The following SCUBE1 variants were observed in gnomAD, a reference collection of about 807,000 sequenced individuals.
The protein encoded by SCUBE1 is signal peptide, CUB domain and EGF like domain containing 1, also known as signal peptide, CUB and EGF-like domain-containing protein 1.
A neutral mutation model predicts 124.4 loss-of-function variants in SCUBE1; 59 were observed. That is an observed-to-expected ratio of 0.47 (90% confidence interval 0.38 to 0.59). The LOEUF (loss-of-function observed/expected upper bound fraction) is 0.59, where lower values mean the gene tolerates loss of function less well. Among genes scored for constraint, SCUBE1 ranks in the 20% least tolerant of loss-of-function variants. The pLI is 0.00. For synonymous variants in SCUBE1, 545 were observed against 550.9 expected (o/e 0.99, Z 0.15); for missense variants, 1,150 against 1,371.2 (o/e 0.84, Z 2.55).
intron 4 of SCUBE1, among the ~76,000 whole-genome samples, chr22:43,271,989 T>C (rs1924310871): frequency 6.6e-6 from 1 of 151,866 alleles, no homozygotes; most frequent in African/African-American, 2.4e-5. Context: ...TGTGAGGGAG[T>C]AGGGAGCTGA....
intron 3 of SCUBE1, among the ~76,000 whole-genome samples, chr22:43,306,373 GGCAAGTGTCT>G (rs1334716903): frequency 6.6e-6 from 1 of 152,184 alleles, no homozygotes; most frequent in African/African-American, 2.4e-5. Context: ...AACAGAGGAA[GGCAAGTGTCT>G]GCAGCGAGTG....
intron 4 of SCUBE1, among the ~76,000 whole-genome samples, chr22:43,270,935 G>C (rs1444904896): frequency 6.6e-6 from 1 of 152,134 alleles, no homozygotes; most frequent in East Asian, 1.9e-4. Flanking sequence ...CCTGACCCCT[G>C]CCACCTGCCT....
chr22:43,343,009 AG>A (rs1333662349), intron 1 of SCUBE1, among the ~76,000 whole-genome samples, 164 bp downstream of exon 1: 4 of 125,636 alleles, frequency 3.2e-5, no homozygotes, highest in African/African-American at 5.8e-5. Flanking sequence ...GGCTGCGGGG[AG>A]GGGGCGCCCC....
chr22:43,313,159 G>C (rs1194522477), intron 3 of SCUBE1, among the ~76,000 whole-genome samples: 1 of 152,198 alleles, frequency 6.6e-6, no homozygotes, highest in Admixed American at 6.5e-5. Context: ...CAAAGCTCCC[G>C]AATCTCACTC....
chr22:43,224,518 C>A (rs749876729), intron 10 of SCUBE1, among the ~76,000 whole-genome samples: 55 of 152,174 alleles, frequency 3.6e-4, no homozygotes, highest in Non-Finnish European at 7.5e-4. Context: ...GCGACACAGG[C>A]CCTGCATGCT....
intron 6 of SCUBE1, among the ~76,000 whole-genome samples, chr22:43,247,247 C>T (rs1314959206): frequency 1.3e-5 from 2 of 152,208 alleles, no homozygotes; most frequent in East Asian, 3.8e-4. Flanking sequence ...CTGTCCAGTG[C>T]CTCAGCTAAG....
At chr22:43,233,139 C>A (rs372436541) in intron 7 of SCUBE1, among the ~76,000 whole-genome samples, 1 of 152,148 alleles carries the variant, frequency 6.6e-6, no homozygotes, top group South Asian at 2.1e-4. Flanking sequence ...CTGAGGCGGG[C>A]GGATCACCTG....
chr22:43,209,911 G>C, intron 19 of SCUBE1, 132 bp downstream of exon 19: 2 of 931,800 alleles, frequency 2.1e-6, no homozygotes, highest in Admixed American at 5.4e-5. Context: ...GACTCTGAGG[G>C]GCTGGTCCTC....
intron 6 of SCUBE1, among the ~76,000 whole-genome samples, chr22:43,243,890 A>G (rs776152478): frequency 6.6e-6 from 1 of 152,188 alleles, no homozygotes; most frequent in African/African-American, 2.4e-5. Context: ...AGCTCTGCCT[A>G]TGGAGACTCA....
chr22:43,280,081 G>A (rs1168578722), intron 4 of SCUBE1, among the ~76,000 whole-genome samples: 2 of 152,122 alleles, frequency 1.3e-5, no homozygotes, highest in African/African-American at 4.8e-5. Context: ...GGTGGGCAGC[G>A]GCCCTCTGCA....
rs575357324 is a variant in SCUBE1 at position 43,258,172 on chromosome 22, G to A, written c.727+47C>T. On this transcript the variant is annotated intron_variant, in intron 6 of 21. Transcript: ENST00000360835. This position sits in a 1 kb window ranked among gnomAD's most constrained non-coding sequence, Gnocchi z 5.0. Reference sequence around the variant, plus strand: ...CCTGCTGGTGCACGCATGGGGGGTCGGGGGCGGGGGGCGCAAGGGTGGTGT... The same window carrying A: ...CCTGCTGGTGCACGCATGGGGGGTCAGGGGCGGGGGGCGCAAGGGTGGTGT... 6.9e-6 allele frequency: 9 copies of A among 1,302,578 alleles called. No homozygotes were observed. The highest frequency in any genetic ancestry group is 5.8e-5 in the African/African-American group (4 of 68,812). The allele number at this position is 1,302,578 out of a possible 1,614,324, so 80.7% of individuals were successfully genotyped here.
chr22:43,223,258 C>A (rs373457458), intron 10 of SCUBE1, 42 bp from the exon 11 acceptor site: 3 of 1,535,910 alleles, frequency 2.0e-6, no homozygotes, highest in South Asian at 2.6e-5. Context: ...GAGGCCAGGG[C>A]GGAGGCTTCC....
chr22:43,286,799 C>T (rs937486558), intron 4 of SCUBE1, among the ~76,000 whole-genome samples: 2 of 148,242 alleles, frequency 1.3e-5, no homozygotes, highest in South Asian at 4.2e-4. Context: ...AATGAATGAG[C>T]AGGTAAATAC....
chr22:43,227,639 C>A lies in SCUBE1; in HGVS notation c.1085-143G>T, dbSNP rs577449328. The stretch of plus-strand genomic sequence containing the variant: ...TCACGGGATGCAGATGAGCAGTGCA[C>A]ACGCCACACGCACACACACGCGTGG... On this transcript the variant is annotated intron_variant, in intron 9 of 21. Coordinates refer to ENST00000360835, the MANE Select transcript of SCUBE1 (RefSeq NM_173050.5). 4.0e-4 allele frequency: 398 copies of A among 998,970 alleles called. 1 individual carries two copies. The highest frequency in any genetic ancestry group is 5.2e-4 in the Non-Finnish European group (353 of 680,458). The allele number at this position is 998,970 out of a possible 1,614,324, so 61.9% of individuals were successfully genotyped here.
At chr22:43,251,880 A>T (rs2146699769) in intron 6 of SCUBE1, among the ~76,000 whole-genome samples, 1 of 152,310 alleles carries the variant, frequency 6.6e-6, no homozygotes, top group African/African-American at 2.4e-5. Flanking sequence ...TTGATTGAAG[A>T]CCTGGAGCTG....
In SCUBE1 at chr22:43,234,961, C is replaced by A. The variant is rs2146682245; in HGVS notation, c.845-3086G>T. On this transcript the variant is annotated intron_variant, in intron 7 of 21. Transcript: ENST00000360835. The surrounding 1 kb of genome is among the most constrained non-coding windows in gnomAD (Gnocchi z 4.4). ...CCCCCCTCTCACCTGCTGACCCCAG[C>A]CCTGGGAAAAACGGCCCTTCCAGAA... Among the ~76,000 whole-genome samples the A allele has an allele frequency of 6.6e-6, 1 of 152,324 alleles. No homozygotes were observed. The highest frequency in any genetic ancestry group is 2.4e-5 in the African/African-American group (1 of 41,580).
intron 3 of SCUBE1, among the ~76,000 whole-genome samples, chr22:43,297,072 C>T (rs969491233): frequency 2.6e-5 from 4 of 152,218 alleles, no homozygotes; most frequent in Admixed American, 2.6e-4. Flanking sequence ...CAGGGTCTGG[C>T]CCTCGTCCCA....
In SCUBE1 at chr22:43,210,028, C is replaced by G; in HGVS notation, c.2581+15G>C. 6.3e-7 allele frequency: 1 copy of G among 1,584,142 alleles called. No homozygotes were observed. The highest frequency in any genetic ancestry group is 8.6e-7 in the Non-Finnish European group (1 of 1,164,346). On this transcript the variant is annotated intron_variant, in intron 19 of 21. Transcript: ENST00000360835. The surrounding 1 kb of genome is among the most constrained non-coding windows in gnomAD (Gnocchi z 4.5). ...CAGCTGAGGCTGCCTCTGGTCCCCT[C>G]GGCCCCCAACATACCACTCTTCCTC...
chr22:43,205,508 T>C (rs1223074709), intron 21 of SCUBE1, among the ~76,000 whole-genome samples: 2 of 151,868 alleles, frequency 1.3e-5, no homozygotes, highest in African/African-American at 4.8e-5. Flanking sequence ...CTGTTGACTG[T>C]GACTGCATCT....
Sources: allele counts gnomAD v4.1 joint callset (sites outside exome capture counted in the v4.1 genomes callset), GRCh38; gene constraint gnomAD v4.1.1; non-coding constraint Gnocchi (gnomAD v3.1); transcripts MANE v1.5; gene names NCBI Gene and HGNC (gene_info 2026-07-23, HGNC 2026-07-21).